The following ZUP1 variants were observed in gnomAD, a reference collection of about 807,000 sequenced individuals.
ZUP1 encodes the protein zinc finger containing ubiquitin peptidase 1.
Under a neutral mutation model 68.1 loss-of-function variants are expected in ZUP1, and 55 were observed. The ratio of observed to expected loss-of-function variants is 0.81; its 90% CI spans 0.65 to 1.01. ZUP1 has a LOEUF of 1.01. Among genes scored for constraint, ZUP1 ranks in the 50% least tolerant of loss-of-function variants. The pLI, the probability that ZUP1 is intolerant of heterozygous loss-of-function variation, is 0.00. For missense variants in ZUP1, 684 were observed against 674.9 expected (o/e 1.01, Z -0.15); for synonymous variants, 223 against 221.5 (o/e 1.01, Z -0.06).
At chr6:116,645,692 A>T in intron 9 of ZUP1, 22 bp downstream of exon 9, 1 of 1,531,282 alleles carries the variant, frequency 6.5e-7, no homozygotes, top group Non-Finnish European at 8.9e-7. Context: ...CAAACTTCAC[A>T]TATAAATATT....
At chr6:116,651,901 A>G in intron 6 of ZUP1, 103 bp downstream of exon 6, 2 of 1,413,698 alleles carry the variant, frequency 1.4e-6, no homozygotes, top group Non-Finnish European at 1.9e-6. Flanking sequence ...TTTCTTATAT[A>G]AATATCCACT....
At chr6:116,655,012 C>A (rs556818206) in intron 5 of ZUP1, among the ~76,000 whole-genome samples, 1 of 152,114 alleles carries the variant, frequency 6.6e-6, no homozygotes, top group South Asian at 2.1e-4. Flanking sequence ...ACTAGAGAAA[C>A]GCCTGAAGTA....
chr6:116,656,664 T>G lies in ZUP1; in HGVS notation c.961+20A>C. 6.3e-7 allele frequency: 1 copy of G among 1,591,178 alleles called. No homozygotes were observed. Among genetic ancestry groups the G allele is most frequent in the African/African-American group, 1.4e-5 (1 of 73,800 alleles). On this transcript the variant is annotated intron_variant, in intron 5 of 9. Transcript: ENST00000368576. ...GTATAAGCAATATTAAAACAATGACTCTGATGTTTAAATACTCACCGGAAG... is the reference window on the plus strand; with the variant it reads ...GTATAAGCAATATTAAAACAATGACGCTGATGTTTAAATACTCACCGGAAG...
chr6:116,659,025 G>T, intron 3 of ZUP1, 101 bp from the exon 4 acceptor site: 1 of 1,083,670 alleles, frequency 9.2e-7, no homozygotes, highest in Non-Finnish European at 1.3e-6. Context: ...GCTGTTATTT[G>T]CCATTTATTC....
rs767654910 is a variant in ZUP1, at chr6:116,666,809, T to C, written c.384A>G (p.Lys128=). 1 of 1,613,402 alleles carries C rather than the reference T, an allele frequency of 6.2e-7. No homozygotes were observed. The highest frequency in any genetic ancestry group is 1.1e-5 in the South Asian group (1 of 90,876). Residue 128 remains lysine (K), a synonymous_variant, in exon 2 of 10, where the codon AAA becomes AAG. Coordinates refer to ENST00000368576, the MANE Select transcript of ZUP1 (RefSeq NM_145062.3). ...FYSENLTESR[K]FLKSREKQSS... is the part of the protein sequence containing the mutation. ...ACTGTTTTTCCCTACTTTTCAGGAA[T>C]TTTCTAGATTCAGTTAAGTTCTCTG...
intron 8 of ZUP1, 58 bp from the exon 9 acceptor site, chr6:116,645,992 G>A (rs896229890): frequency 2.5e-6 from 3 of 1,214,420 alleles, no homozygotes; most frequent in African/African-American, 1.5e-5. Flanking sequence ...TATACAAATA[G>A]TCTCTGTATG....
At chr6:116,660,488 T>G in intron 3 of ZUP1, 1 of 375,740 alleles carries the variant, frequency 2.7e-6, no homozygotes, top group East Asian at 5.0e-5. Flanking sequence ...GGTTATATAG[T>G]TCACATTCAT....
chr6:116,640,844 A>C (rs1776073888), intron 9 of ZUP1, among the ~76,000 whole-genome samples: 1 of 151,208 alleles, frequency 6.6e-6, no homozygotes, highest in Non-Finnish European at 1.5e-5. Flanking sequence ...AACAATATTA[A>C]CTTTAAATGT....
intron 9 of ZUP1, among the ~76,000 whole-genome samples, chr6:116,645,091 A>G (rs1388727185): frequency 6.6e-6 from 1 of 152,002 alleles, no homozygotes; most frequent in African/African-American, 2.4e-5. Flanking sequence ...GTTTTAATTA[A>G]CATACAGTAA....
At chr6:116,638,806 A>T (rs1053174290) in intron 9 of ZUP1, among the ~76,000 whole-genome samples, 4 of 152,350 alleles carry the variant, frequency 2.6e-5, no homozygotes, top group Admixed American at 1.3e-4. Flanking sequence ...TACCGGGTTC[A>T]TCTCACTAGG....
intron 7 of ZUP1, among the ~76,000 whole-genome samples, chr6:116,647,845 GCTAA>G (rs777969229): frequency 1.8e-4 from 27 of 152,104 alleles, no homozygotes; most frequent in Admixed American, 4.6e-4. Context: ...CCTCTAACTA[GCTAA>G]CTATTTAAAT....
At chr6:116,644,655 C>G (rs1217092930) in intron 9 of ZUP1, among the ~76,000 whole-genome samples, 2 of 148,648 alleles carry the variant, frequency 1.3e-5, no homozygotes, top group Non-Finnish European at 3.0e-5. Context: ...CACATGGACA[C>G]AGGAAGGGGA....
At chr6:116,665,582 T>G (rs1776976128) in intron 2 of ZUP1, among the ~76,000 whole-genome samples, 1 of 148,906 alleles carries the variant, frequency 6.7e-6, no homozygotes, top group Non-Finnish European at 1.5e-5. Context: ...TTTTTTTTTT[T>G]TTTTTTTGGA....
At chr6:116,640,312 C>A (rs933227470) in intron 9 of ZUP1, among the ~76,000 whole-genome samples, 6 of 152,152 alleles carry the variant, frequency 3.9e-5, no homozygotes, top group African/African-American at 9.7e-5. Context: ...GGGAGGCCAA[C>A]AGTCAGATTC....
rs1023595982 is a variant in ZUP1, at chr6:116,635,695, A to G, written c.*137T>C. The stretch of plus-strand genomic sequence containing the variant: ...ATGATAGGTATAATTCAATTAACAC[A>G]GGCATTTTAGAAATTAAATTATATG... On this transcript the variant is annotated 3_prime_UTR_variant, in exon 10 of 10. Coordinates refer to ENST00000368576, the MANE Select transcript of ZUP1 (RefSeq NM_145062.3). The G allele has an allele frequency of 8.9e-6, 5 of 563,224 alleles. No homozygotes were observed. The African/African-American group carries it at 9.9e-5, about 11-fold the overall frequency. The allele number at this position is 563,224 out of a possible 1,614,324, so 34.9% of individuals were successfully genotyped here.
intron 9 of ZUP1, among the ~76,000 whole-genome samples, chr6:116,641,517 AACT>A (rs1396985039): frequency 1.3e-5 from 2 of 152,136 alleles, no homozygotes; most frequent in East Asian, 3.8e-4. Context: ...AGCAAACTAG[AACT>A]CAGGATTAAG....
intron 3 of ZUP1, among the ~76,000 whole-genome samples, chr6:116,660,020 G>A (rs1024480739): frequency 1.3e-5 from 2 of 152,110 alleles, no homozygotes; most frequent in East Asian, 1.9e-4. Context: ...TGTAATATAC[G>A]TGCTCATACA....
rs943712101 is a variant in ZUP1 at position 116,642,414 on chromosome 6, G to A, written c.1689+3300C>T. ...AGAATTTTAGACCAATATCCTTGATGAACATTGATGCAAAAATCCTCAATA... is the reference window on the plus strand; with the variant it reads ...AGAATTTTAGACCAATATCCTTGATAAACATTGATGCAAAAATCCTCAATA... On this transcript the variant is annotated intron_variant, in intron 9 of 9. Coordinates refer to ENST00000368576, the MANE Select transcript of ZUP1 (RefSeq NM_145062.3). 1.3e-5 allele frequency among the ~76,000 whole-genome samples: 2 copies of A among 151,984 alleles called. 1 individual carries two copies. Among genetic ancestry groups the A allele is most frequent in the South Asian group, 4.2e-4 (2 of 4,818 alleles).
chr6:116,661,861 G>T (rs1235622938), intron 2 of ZUP1, among the ~76,000 whole-genome samples: 2 of 152,170 alleles, frequency 1.3e-5, no homozygotes, highest in Non-Finnish European at 2.9e-5. Context: ...CTCACTGGGG[G>T]CTGCAATGCC....
Sources: allele counts gnomAD v4.1 joint callset (sites outside exome capture counted in the v4.1 genomes callset), GRCh38; gene constraint gnomAD v4.1.1; transcripts MANE v1.5; gene names NCBI Gene and HGNC (gene_info 2026-07-23, HGNC 2026-07-21).